NUMB: variants seen among roughly 807,000 people sequenced by gnomAD.
NUMB encodes the protein protein numb homolog.
In NUMB, 29 loss-of-function variants were observed where a neutral mutation model predicts 59.7. That is an observed-to-expected ratio of 0.49 (90% CI 0.36 to 0.66). The LOEUF is 0.66. Among genes scored for constraint, NUMB ranks in the 30% least tolerant of loss-of-function variants. The probability of loss-of-function intolerance (pLI) is 0.00; values close to 1 mark genes in which losing one functional copy is unlikely to be tolerated. For missense variants in NUMB, 723 were observed against 822.0 expected (o/e 0.88, Z 1.47); for synonymous variants, 288 against 288.2 (o/e 1.00, Z 0.01).
intron 1 of NUMB, among the ~76,000 whole-genome samples, chr14:73,447,399 A>G (rs909381951): frequency 9.9e-5 from 15 of 152,096 alleles, no homozygotes; most frequent in African/African-American, 3.6e-4. Context: ...GAGGCAGAAG[A>G]GTCACTTGAA....
At chr14:73,390,567 C>G (rs1895789138) in intron 2 of NUMB, among the ~76,000 whole-genome samples, 1 of 148,574 alleles carries the variant, frequency 6.7e-6, no homozygotes, top group East Asian at 2.0e-4. Context: ...TCTTGAGATA[C>G]CTTTGTTATA....
chr14:73,346,780 A>G (rs1300097269), intron 4 of NUMB, among the ~76,000 whole-genome samples: 2 of 152,158 alleles, frequency 1.3e-5, no homozygotes, highest in East Asian at 1.9e-4. Flanking sequence ...AGTCTTCAGA[A>G]TAAAATTCCA....
intron 3 of NUMB, among the ~76,000 whole-genome samples, chr14:73,361,683 C>A (rs1020378679): frequency 6.6e-6 from 1 of 151,976 alleles, no homozygotes; most frequent in Admixed American, 6.6e-5. Flanking sequence ...TCATTTAGCT[C>A]CCATCAATTG....
intron 5 of NUMB, among the ~76,000 whole-genome samples, chr14:73,319,192 G>A (rs1331207682): frequency 6.6e-6 from 1 of 152,200 alleles, no homozygotes; most frequent in Non-Finnish European, 1.5e-5. Context: ...GAACCCGGGA[G>A]GCGGAGGTTG....
At chr14:73,305,400 C>CT (rs199983404) in intron 6 of NUMB, among the ~76,000 whole-genome samples, 235 of 149,076 alleles carry the variant, frequency 1.6e-3, no homozygotes, top group East Asian at 7.1e-3. Flanking sequence ...AATTCATTTT[C>CT]TTTTTTTTTT....
intron 4 of NUMB, among the ~76,000 whole-genome samples, chr14:73,352,457 CATACACACACACACACACACAT>C (rs1365883748): frequency 1.6e-4 from 3 of 19,076 alleles, no homozygotes; most frequent in African/African-American, 3.3e-4. Flanking sequence ...CACACACACA[CATACACACACACACACACACAT>C]ATATATATAT....
chr14:73,374,560 G>C (rs1216335840), intron 2 of NUMB, among the ~76,000 whole-genome samples: 2 of 152,010 alleles, frequency 1.3e-5, no homozygotes, highest in Non-Finnish European at 2.9e-5. Flanking sequence ...ATTTCTCCTA[G>C]ATTCTGGCAA....
At chr14:73,432,836 T>G (rs766319482) in intron 1 of NUMB, among the ~76,000 whole-genome samples, 1 of 152,124 alleles carries the variant, frequency 6.6e-6, no homozygotes, top group African/African-American at 2.4e-5. Flanking sequence ...CCTGGAAGAT[T>G]AATCTTATCT....
intron 1 of NUMB, among the ~76,000 whole-genome samples, chr14:73,431,100 G>A (rs1897807400): frequency 6.6e-6 from 1 of 150,416 alleles, no homozygotes; most frequent in Non-Finnish European, 1.5e-5. Context: ...GGGATTATAG[G>A]AGTGCACCAC....
At chr14:73,413,871 G>A (rs78332011) in intron 1 of NUMB, among the ~76,000 whole-genome samples, 1 of 151,852 alleles carries the variant, frequency 6.6e-6, no homozygotes, top group South Asian at 2.1e-4. Context: ...GCCTTTAAAA[G>A]CCCACAAACC....
chr14:73,417,771 G>A (rs1044312969), intron 1 of NUMB, among the ~76,000 whole-genome samples: 1 of 152,078 alleles, frequency 6.6e-6, no homozygotes, highest in African/African-American at 2.4e-5. Context: ...GCCAAAAGAT[G>A]AAAACAACCT....
intron 1 of NUMB, among the ~76,000 whole-genome samples, chr14:73,435,495 C>T (rs1898016111): frequency 6.6e-6 from 1 of 151,104 alleles, no homozygotes; most frequent in Non-Finnish European, 1.5e-5. Flanking sequence ...AGGATGGTCT[C>T]GATCTCCTGA....
intron 2 of NUMB, among the ~76,000 whole-genome samples, chr14:73,380,725 T>TG (rs55808886): frequency 1.4e-4 from 4 of 28,596 alleles, no homozygotes; most frequent in African/African-American, 3.3e-4. Flanking sequence ...CATCAATTAG[T>TG]TTTTTTTTTT....
At chr14:73,442,188 TAAGAAAAAAAA>T (rs1167199808) in intron 1 of NUMB, among the ~76,000 whole-genome samples, 69 of 140,410 alleles carry the variant, frequency 4.9e-4, no homozygotes, top group Admixed American at 1.2e-3. Flanking sequence ...CCTGTCTCTG[TAAGAAAAAAAA>T]AAGAAAAAAG....
intron 1 of NUMB, among the ~76,000 whole-genome samples, chr14:73,417,924 G>T (rs1378992874): frequency 1.3e-5 from 2 of 152,154 alleles, no homozygotes; most frequent in African/African-American, 2.4e-5. Context: ...GACCAACATG[G>T]TGAAACCCCA....
rs117921901 is a variant in NUMB at position 73,314,648 on chromosome 14, T to C, written c.234+1742A>G. On this transcript the variant is annotated intron_variant, in intron 6 of 12. Transcript: ENST00000555238. ...CCAGCTAAAATATATACTTTTACAA[T>C]TGTCTTTCTAAAAACCAAATCAATA... 6.8e-3 allele frequency among the ~76,000 whole-genome samples: 1,036 copies of C among 152,212 alleles called. 4 individuals are homozygous for C. Among genetic ancestry groups the C allele is most frequent in the South Asian group, 0.03 (143 of 4,828 alleles).
chr14:73,367,881 G>T (rs947055120), intron 2 of NUMB, among the ~76,000 whole-genome samples: 2 of 151,432 alleles, frequency 1.3e-5, no homozygotes, highest in Non-Finnish European at 2.9e-5. Flanking sequence ...TAGGGAAAAT[G>T]AACCCCAGAG....
chr14:73,299,210 G>A (rs541547063), intron 6 of NUMB: 1 of 152,288 alleles, frequency 6.6e-6, no homozygotes, highest in East Asian at 1.9e-4. Context: ...TGGGAAAGGC[G>A]TAATGGGAGA....
chr14:73,301,971 T>G (rs1890155725), intron 6 of NUMB, among the ~76,000 whole-genome samples: 1 of 151,984 alleles, frequency 6.6e-6, no homozygotes, highest in Non-Finnish European at 1.5e-5. Flanking sequence ...TAATTCCAGC[T>G]ACTCAGGAGG....
Sources: allele counts gnomAD v4.1 joint callset (sites outside exome capture counted in the v4.1 genomes callset), GRCh38; gene constraint gnomAD v4.1.1; transcripts MANE v1.5; gene names NCBI Gene and HGNC (gene_info 2026-07-23, HGNC 2026-07-21).